IKBKB-DT: variants seen among roughly 807,000 people sequenced by gnomAD.
IKBKB-DT encodes IKBKB antisense RNA.
At chr8:42,246,860 G>A (rs1414483477) in intron 3 of IKBKB-DT, among the ~76,000 whole-genome samples, 1 of 152,106 alleles carries the variant, frequency 6.6e-6, no homozygotes, top group Non-Finnish European at 1.5e-5. Flanking sequence ...GGAGTGAGGG[G>A]GAATGGTTTT....
chr8:42,245,273 T>C (rs1179562297), intron 3 of IKBKB-DT, among the ~76,000 whole-genome samples: 1 of 151,998 alleles, frequency 6.6e-6, no homozygotes, highest in African/African-American at 2.4e-5. Context: ...ATTTAAAAAA[T>C]AATAATAATA....
chr8:42,255,131 C>T (rs1348468989), intron 3 of IKBKB-DT, among the ~76,000 whole-genome samples: 2 of 151,954 alleles, frequency 1.3e-5, no homozygotes, highest in Non-Finnish European at 2.9e-5. Flanking sequence ...GCCACCCCAT[C>T]TGGGAAGTGA....
chr8:42,241,888 G>A (rs1240485378), intron 3 of IKBKB-DT, among the ~76,000 whole-genome samples: 1 of 152,024 alleles, frequency 6.6e-6, no homozygotes, highest in Non-Finnish European at 1.5e-5. Flanking sequence ...AGAGGAGAGA[G>A]GTCAGTTAAT....
chr8:42,238,089 C>A (rs150836235), intron 3 of IKBKB-DT, among the ~76,000 whole-genome samples: 73 of 148,298 alleles, frequency 4.9e-4, no homozygotes, highest in African/African-American at 1.8e-3. Context: ...ACAAGGCTAC[C>A]CCACAACTCA....
chr8:42,239,433 C>G (rs1585459424), intron 3 of IKBKB-DT, among the ~76,000 whole-genome samples: 1 of 151,564 alleles, frequency 6.6e-6, no homozygotes, highest in African/African-American at 2.4e-5. Flanking sequence ...TCTCTCCCCA[C>G]CAGCTCAGCC....
intron 3 of IKBKB-DT, among the ~76,000 whole-genome samples, chr8:42,253,224 C>T (rs1390891821): frequency 6.6e-6 from 1 of 152,218 alleles, no homozygotes; most frequent in Non-Finnish European, 1.5e-5. Context: ...TAGACAAATT[C>T]AACCAATTTT....
chr8:42,257,918 G>T (rs1428433581), intron 3 of IKBKB-DT, among the ~76,000 whole-genome samples: 1 of 151,370 alleles, frequency 6.6e-6, no homozygotes, highest in Non-Finnish European at 1.5e-5. Context: ...TTACAGAAAG[G>T]TATACAGTTT....
chr8:42,244,560 A>G (rs1017678997), intron 3 of IKBKB-DT, among the ~76,000 whole-genome samples: 2 of 151,982 alleles, frequency 1.3e-5, no homozygotes, highest in Non-Finnish European at 2.9e-5. Flanking sequence ...ATTTTTTTTT[A>G]ATTTTTAGAG....
chr8:42,237,036 T>A (rs1020135772), intron 3 of IKBKB-DT, among the ~76,000 whole-genome samples: 4 of 151,676 alleles, frequency 2.6e-5, no homozygotes, highest in Non-Finnish European at 5.9e-5. Flanking sequence ...GTTGTTTTTT[T>A]AAAAAACACC....
At chr8:42,264,111 T>C (rs1476550217) in intron 2 of IKBKB-DT, among the ~76,000 whole-genome samples, 1 of 150,470 alleles carries the variant, frequency 6.6e-6, no homozygotes, top group Admixed American at 6.6e-5. Flanking sequence ...TACGCCCAGC[T>C]GGGCTTTTTT....
chr8:42,255,978 A>T (rs922906787), intron 3 of IKBKB-DT, among the ~76,000 whole-genome samples: 2 of 151,300 alleles, frequency 1.3e-5, no homozygotes, highest in African/African-American at 4.9e-5. Context: ...GTGAGCCGAG[A>T]TTGCACCATT....
chr8:42,239,614 T>TTATATATATA (rs113469700), intron 3 of IKBKB-DT, among the ~76,000 whole-genome samples: 722 of 19,900 alleles, frequency 0.036, 83 homozygotes, highest in African/African-American at 0.081. Context: ...AAAAGGCAAT[T>TTATATATATA]TATATATATA....
At chr8:42,251,305 G>A (rs1451927709) in intron 3 of IKBKB-DT, among the ~76,000 whole-genome samples, 2 of 152,346 alleles carry the variant, frequency 1.3e-5, no homozygotes, top group East Asian at 3.9e-4. Context: ...CTCTACTGCT[G>A]TATCCTGCAT....
chr8:42,258,335 C>T (rs961098626), intron 3 of IKBKB-DT, among the ~76,000 whole-genome samples: 2 of 152,040 alleles, frequency 1.3e-5, no homozygotes, highest in Non-Finnish European at 2.9e-5. Flanking sequence ...TGTTTTGAGA[C>T]AGTCTTGCTA....
At chr8:42,267,375 T>C (rs1004314491) in intron 1 of IKBKB-DT, among the ~76,000 whole-genome samples, 1 of 152,156 alleles carries the variant, frequency 6.6e-6, no homozygotes, top group African/African-American at 2.4e-5. Flanking sequence ...AAGAACCCTC[T>C]CTTGGGGTCT....
At chr8:42,260,492 C>T (rs1000401512) in intron 3 of IKBKB-DT, among the ~76,000 whole-genome samples, 7 of 151,674 alleles carry the variant, frequency 4.6e-5, no homozygotes, top group African/African-American at 1.7e-4. Flanking sequence ...GGTGAAACTC[C>T]GTTTTAAACC....
chr8:42,245,831 C>T (rs1282397114), intron 3 of IKBKB-DT, among the ~76,000 whole-genome samples: 10 of 152,166 alleles, frequency 6.6e-5, no homozygotes, highest in Non-Finnish European at 1.2e-4. Flanking sequence ...CCTCCAGGAA[C>T]TTCTCTGAAA....
chr8:42,258,468 CTT>C (rs1333571105), intron 3 of IKBKB-DT, among the ~76,000 whole-genome samples: 23 of 142,268 alleles, frequency 1.6e-4, no homozygotes, highest in Middle Eastern at 3.7e-3. Flanking sequence ...GTCTTTCTTT[CTT>C]TTTTTTTTTT....
chr8:42,264,740 G>A (rs1454925110), intron 2 of IKBKB-DT, among the ~76,000 whole-genome samples: 1 of 151,752 alleles, frequency 6.6e-6, no homozygotes, highest in Non-Finnish European at 1.5e-5. Context: ...TGTATTTTTA[G>A]TAGAGACAGG....
Sources: gnomAD v4.1 joint callset for allele counts (sites outside exome capture counted in the v4.1 genomes callset) on GRCh38, gnomAD v4.1.1 for gene constraint, MANE v1.5 for transcripts, NCBI Gene and HGNC (gene_info 2026-07-23, HGNC 2026-07-21) for gene names.